The following FRY variants were observed in gnomAD, a reference collection of about 807,000 sequenced individuals.
FRY encodes protein furry homolog.
A neutral mutation model predicts 348.4 loss-of-function variants in FRY; 128 were observed. The ratio of observed to expected loss-of-function variants is 0.37; its 90% confidence interval spans 0.32 to 0.43. The LOEUF (loss-of-function observed/expected upper bound fraction) is 0.43. FRY is among the 20% of genes least tolerant of loss of function. The pLI is 1.00. For synonymous variants in FRY, 1,370 were observed against 1,374.7 expected (o/e 1.00, Z 0.08); for missense variants, 2,736 against 3,695.2 (o/e 0.74, Z 6.73).
intron 1 of FRY, among the ~76,000 whole-genome samples, chr13:32,066,219 C>T (rs943638870): frequency 6.6e-6 from 1 of 152,198 alleles, no homozygotes; most frequent in East Asian, 1.9e-4. Context: ...TCCTATAGAA[C>T]GAACCTACTT....
intron 19 of FRY, 31 bp from the exon 20 acceptor site, chr13:32,175,515 C>T (rs1285519084): frequency 2.2e-6 from 3 of 1,358,440 alleles, no homozygotes; most frequent in Non-Finnish European, 3.2e-6. Flanking sequence ...TTCATTTTCC[C>T]ATAGAGAGTA....
At chr13:32,262,623 T>C in intron 53 of FRY, 148 bp downstream of exon 53, 1 of 701,286 alleles carries the variant, frequency 1.4e-6, no homozygotes, top group African/African-American at 1.8e-5. Flanking sequence ...TAATAGAAGT[T>C]TGTGCACCTG....
At chr13:32,079,550 G>C (rs993522119) in intron 2 of FRY, among the ~76,000 whole-genome samples, 32 of 152,258 alleles carry the variant, frequency 2.1e-4, no homozygotes, top group African/African-American at 7.7e-4. Flanking sequence ...TCTAAAACTT[G>C]GAAGGCTATA....
chr13:32,243,759 C>T (rs1340292489), intron 46 of FRY, among the ~76,000 whole-genome samples: 1 of 152,048 alleles, frequency 6.6e-6, no homozygotes, highest in Non-Finnish European at 1.5e-5. Flanking sequence ...ATAATATCTT[C>T]AGTTCTTCAT....
chr13:32,060,963 T>C (rs1201356713), intron 1 of FRY: 4 of 392,420 alleles, frequency 1.0e-5, no homozygotes, highest in Admixed American at 6.7e-5. Flanking sequence ...GCCAAAAATA[T>C]AAGGGCCCTG....
intron 17 of FRY, among the ~76,000 whole-genome samples, chr13:32,170,736 C>T (rs376708190): frequency 1.3e-5 from 2 of 152,102 alleles, no homozygotes; most frequent in East Asian, 1.9e-4. Flanking sequence ...GGGGTTTCAC[C>T]GTGTTAGCCA....
intron 1 of FRY, among the ~76,000 whole-genome samples, chr13:32,048,599 C>G (rs1351495956): frequency 6.6e-6 from 1 of 152,154 alleles, no homozygotes; most frequent in African/African-American, 2.4e-5. Context: ...ACCTAAATGT[C>G]ATTAATGTTA....
rs141367274 is a variant in FRY, at chr13:32,239,381, C to T, written c.6516+32C>T. ...GTTACAGTTCCACACTCAGGCAGATCCATAGAGGCCTTCAGGACGCCCTAG... is the reference window on the plus strand; with the variant it reads ...GTTACAGTTCCACACTCAGGCAGATTCATAGAGGCCTTCAGGACGCCCTAG... On this transcript the variant is annotated intron_variant, in intron 45 of 60. Transcript: ENST00000542859. This position sits in a 1 kb window ranked among gnomAD's most constrained non-coding sequence, Gnocchi z 4.3. 4,278 of 1,291,796 alleles carry T rather than the reference C, an allele frequency of 3.3e-3. 45 individuals carry two copies. The highest frequency in any genetic ancestry group is 5.5e-3 in the South Asian group (466 of 84,658). The allele number at this position is 1,291,796 out of a possible 1,614,324, so 80.0% of individuals were successfully genotyped here.
intron 58 of FRY, among the ~76,000 whole-genome samples, chr13:32,280,745 G>T (rs1888770985): frequency 6.6e-6 from 1 of 152,190 alleles, no homozygotes. Context: ...ATACATTGCA[G>T]ACTTTTATGA....
chr13:32,077,293 A>G (rs1875141522), intron 1 of FRY, among the ~76,000 whole-genome samples: 1 of 152,224 alleles, frequency 6.6e-6, no homozygotes, highest in Non-Finnish European at 1.5e-5. Context: ...GCCATGCAAA[A>G]GAAAGATTAG....
At chr13:32,043,858 T>A (rs530547642) in intron 1 of FRY, among the ~76,000 whole-genome samples, 1 of 152,216 alleles carries the variant, frequency 6.6e-6, no homozygotes, top group East Asian at 1.9e-4. Context: ...AGAAAGCAAA[T>A]TATAAGAAAT....
chr13:32,093,632 A>T (rs1318924294), intron 2 of FRY, among the ~76,000 whole-genome samples: 2 of 152,118 alleles, frequency 1.3e-5, no homozygotes, highest in Non-Finnish European at 2.9e-5. Context: ...ATCAGAAGGG[A>T]CGTAATGTCT....
intron 7 of FRY, among the ~76,000 whole-genome samples, chr13:32,126,146 G>A (rs531019226): frequency 3.3e-5 from 5 of 152,232 alleles, no homozygotes; most frequent in South Asian, 4.1e-4. Context: ...CCAGCAAATC[G>A]TGTATCTACC....
chr13:32,136,553 G>T lies in FRY; in HGVS notation c.1078-318G>T, dbSNP rs1372973369. On this transcript the variant is annotated intron_variant, in intron 10 of 60. Transcript: ENST00000542859. ...GAGATTAAGAGAGTGATCTAAGATG[G>T]TAAGTTTGTTTTTAAATTTTATAAG... Among the ~76,000 whole-genome samples the T allele has an allele frequency of 2.6e-5, 4 of 152,198 alleles. 1 individual carries two copies. The highest frequency in any genetic ancestry group is 1.3e-4 in the Admixed American group (2 of 15,284).
chr13:32,116,621 C>A (rs1437550769), intron 3 of FRY, among the ~76,000 whole-genome samples: 2 of 151,962 alleles, frequency 1.3e-5, no homozygotes, highest in Non-Finnish European at 2.9e-5. Context: ...ATTTATGAGG[C>A]ATTTTGTGGA....
rs761348775 is a variant in FRY, at chr13:32,237,650, C to G, written c.6082C>G (p.Leu2028Val). ...AAGCTCATCCTCCTTGAAGGACAGT[C>G]TCACGGACCCATCCCACATAAACCA... Reference protein sequence around the residue: ...TRSSSSLKDSLTDPSHINHPT... With the variant: ...TRSSSSLKDSVTDPSHINHPT... The change falls in exon 44 of 61, where the codon CTC (leucine) becomes GTC (valine). Residue 2028 changes from leucine to valine, a missense_variant. Physicochemically the swap from Leu to Val is conservative, Grantham distance 32. Around this residue, in one of 9 missense-constraint regions of FRY, gnomAD observed 789 missense variants for 996.2 expected, o/e 0.79. Coordinates refer to ENST00000542859, the MANE Select transcript of FRY (RefSeq NM_023037.3). The surrounding 1 kb of genome is among the most constrained non-coding windows in gnomAD (Gnocchi z 6.3). The G allele has an allele frequency of 6.1e-5, 98 of 1,614,072 alleles. No individual in the cohort carries two copies. The highest frequency in any genetic ancestry group is 8.3e-5 in the Non-Finnish European group (98 of 1,180,030).
intron 3 of FRY, among the ~76,000 whole-genome samples, chr13:32,115,358 C>T (rs75094033): frequency 0.034 from 5,249 of 152,236 alleles, 94 homozygotes; most frequent in African/African-American, 0.049. Context: ...AGGCCGAGAT[C>T]ACAGAATGCC....
chr13:32,216,485 C>G (rs1178536450), intron 35 of FRY, among the ~76,000 whole-genome samples: 1 of 152,196 alleles, frequency 6.6e-6, no homozygotes, highest in African/African-American at 2.4e-5. Flanking sequence ...GTCATCCATC[C>G]TGTAGTTCTT....
At chr13:32,069,138 A>G (rs1235821428) in intron 1 of FRY, among the ~76,000 whole-genome samples, 1 of 151,866 alleles carries the variant, frequency 6.6e-6, no homozygotes, top group East Asian at 1.9e-4. Context: ...GATGGTCTCG[A>G]TCTCCTGACC....
Sources: allele counts gnomAD v4.1 joint callset (sites outside exome capture counted in the v4.1 genomes callset), GRCh38; gene constraint gnomAD v4.1.1; regional missense constraint gnomAD v4.1.1; non-coding constraint Gnocchi (gnomAD v3.1); transcripts MANE v1.5; gene names NCBI Gene and HGNC (gene_info 2026-07-23, HGNC 2026-07-21).